VPS13B: variants seen among roughly 807,000 people sequenced by gnomAD.
VPS13B encodes intermembrane lipid transfer protein VPS13B.
A neutral mutation model predicts 426.4 loss-of-function variants in VPS13B; 285 were observed. The ratio of observed to expected loss-of-function variants is 0.67; its 90% CI spans 0.61 to 0.74. The LOEUF is 0.74. VPS13B is among the 30% of genes least tolerant of loss of function. VPS13B has a pLI of 0.00. For missense variants in VPS13B, 4,537 were observed against 4,782.6 expected, an observed-to-expected ratio of 0.95 and a Z score of 1.51; for synonymous variants, 1,676 against 1,676.4, an observed-to-expected ratio of 1.00 and a Z score of 0.01.
intron 39 of VPS13B, among the ~76,000 whole-genome samples, chr8:99,724,622 G>C (rs1443354928): frequency 6.6e-6 from 1 of 151,886 alleles, no homozygotes; most frequent in Admixed American, 6.6e-5. Context: ...AGTTGTCGTG[G>C]AGTATTATAT....
intron 3 of VPS13B, among the ~76,000 whole-genome samples, chr8:99,076,034 A>G (rs189822238): frequency 1.4e-3 from 206 of 151,902 alleles, no homozygotes; most frequent in African/African-American, 4.8e-3. Flanking sequence ...CTTTTCTTGT[A>G]TCTCATGAGT....
At chr8:99,641,421 C>T (rs1241989216) in intron 33 of VPS13B, among the ~76,000 whole-genome samples, 3 of 152,036 alleles carry the variant, frequency 2.0e-5, no homozygotes, top group Non-Finnish European at 4.4e-5. Flanking sequence ...ATTTCAACCA[C>T]CAGTAATCAT....
chr8:99,426,775 G>A (rs1478706749), intron 21 of VPS13B, among the ~76,000 whole-genome samples: 1 of 102,408 alleles, frequency 9.8e-6, no homozygotes, highest in African/African-American at 4.8e-5. Context: ...TTTTTTTCTT[G>A]TAAATTTGTT....
At chr8:99,665,514 T>C (rs890957246) in intron 35 of VPS13B, among the ~76,000 whole-genome samples, 9 of 152,220 alleles carry the variant, frequency 5.9e-5, no homozygotes, top group African/African-American at 2.2e-4. Flanking sequence ...AAGGAAGGGA[T>C]TGAGTTTCAG....
intron 17 of VPS13B, chr8:99,209,854 C>T (rs930666272): frequency 1.2e-5 from 7 of 583,236 alleles, no homozygotes; most frequent in Non-Finnish European, 1.5e-5. Context: ...ACTTCAGTTA[C>T]AGAACTTAAA....
Position 99,274,302 on chromosome 8 carries a change from G to A in VPS13B, c.2620G>A (p.Gly874Arg), listed in dbSNP as rs778980711. 6 of 1,614,082 alleles carry A rather than the reference G, an allele frequency of 3.7e-6. No homozygotes were observed. Among genetic ancestry groups the A allele is most frequent in the Middle Eastern group, 1.6e-4 (1 of 6,062 alleles). Reference sequence around the variant, plus strand: ...GGTCAAATGTGCCTCTGGGACCATGGGATCAATAAAAATTTGTGCCAAAGC... The same window carrying A: ...GGTCAAATGTGCCTCTGGGACCATGAGATCAATAAAAATTTGTGCCAAAGC... ...SLVKCASGTM[G>R]SIKICAKAPV... The change falls in exon 18 of 62, where the codon GGA becomes AGA. Residue 874 changes from glycine to arginine, a missense_variant. Around this residue, in one of 2 missense-constraint regions of VPS13B, gnomAD observed 4,311 missense variants for 4,474.3 expected, o/e 0.96. Transcript: ENST00000357162.
chr8:99,778,774 T>A lies in VPS13B; in HGVS notation c.7522T>A (p.Tyr2508Asn). ...MIVSFREPHM[Y>N]LRQWNNGSVC... is the part of the protein sequence containing the mutation. Reference sequence around the variant, plus strand: ...TGTTTCCTTCAGAGAACCACACATGTATCTTCGACAGTGGAATAATGGTTC... The same window carrying A: ...TGTTTCCTTCAGAGAACCACACATGAATCTTCGACAGTGGAATAATGGTTC... Residue 2508 changes from tyrosine to asparagine, a missense_variant, in exon 42 of 62, where the codon TAT (tyrosine) becomes AAT (asparagine). By Grantham distance (143) the Tyr-to-Asn change is moderately radical. Coordinates refer to ENST00000357162, the MANE Select transcript of VPS13B (RefSeq NM_152564.5). 1 of 1,614,002 alleles carries A rather than the reference T, an allele frequency of 6.2e-7. No homozygotes were observed. The highest frequency in any genetic ancestry group is 8.5e-7 in the Non-Finnish European group (1 of 1,179,916).
intron 19 of VPS13B, among the ~76,000 whole-genome samples, chr8:99,303,690 C>G (rs902132137): frequency 1.9e-4 from 25 of 132,704 alleles, no homozygotes; most frequent in Admixed American, 6.1e-4. Context: ...GATTGCGCCA[C>G]TGCACTCCAG....
rs144790021 is a variant in VPS13B, at chr8:99,261,273, C to T, written c.2516-12925C>T. Among the ~76,000 whole-genome samples the T allele has an allele frequency of 7.4e-3, 1,122 of 152,184 alleles. 7 individuals carry two copies. Among genetic ancestry groups the T allele is most frequent in the Middle Eastern group, 0.014 (4 of 294 alleles). The stretch of plus-strand genomic sequence containing the variant: ...AGCCCTAAAATTTCTCTGTGTTCTA[C>T]CTATTTATCCTATCCCCCACCAGCC... On this transcript the variant is annotated intron_variant, in intron 17 of 61. Coordinates refer to ENST00000357162, the MANE Select transcript of VPS13B (RefSeq NM_152564.5).
At chr8:99,530,029 C>G (rs1188878009) in intron 30 of VPS13B, among the ~76,000 whole-genome samples, 1 of 152,166 alleles carries the variant, frequency 6.6e-6, no homozygotes, top group Non-Finnish European at 1.5e-5. Context: ...TTTCAACTTT[C>G]TTGAAATAAC....
chr8:99,357,397 T>C (rs1812237063), intron 19 of VPS13B, among the ~76,000 whole-genome samples: 1 of 152,230 alleles, frequency 6.6e-6, no homozygotes, highest in Non-Finnish European at 1.5e-5. Context: ...ACTTTTTCTA[T>C]TTTATTTTGT....
intron 19 of VPS13B, among the ~76,000 whole-genome samples, chr8:99,353,334 TAAAAG>T (rs1013409616): frequency 3.9e-5 from 6 of 152,068 alleles, no homozygotes; most frequent in African/African-American, 7.2e-5. Flanking sequence ...AAAAAACTGA[TAAAAG>T]AAAAGCAGAT....
intron 33 of VPS13B, among the ~76,000 whole-genome samples, chr8:99,598,482 A>G (rs887082251): frequency 6.6e-6 from 1 of 152,060 alleles, no homozygotes; most frequent in Non-Finnish European, 1.5e-5. Context: ...CTGAATAGCA[A>G]GTAATCATCT....
intron 21 of VPS13B, among the ~76,000 whole-genome samples, chr8:99,396,097 G>A (rs545596767): frequency 5.3e-5 from 8 of 152,092 alleles, no homozygotes; most frequent in Admixed American, 1.3e-4. Flanking sequence ...TTATCGAACC[G>A]TGGGATGATA....
chr8:99,684,645 C>T (rs1831305439), intron 35 of VPS13B, among the ~76,000 whole-genome samples: 1 of 152,146 alleles, frequency 6.6e-6, no homozygotes, highest in Admixed American at 6.5e-5. Flanking sequence ...CAAATAGCTG[C>T]TCTGTGTAGG....
At chr8:99,873,443 TG>T (rs1817534989) in intron 61 of VPS13B, 1 of 152,194 alleles carries the variant, frequency 6.6e-6, no homozygotes, top group Non-Finnish European at 1.5e-5. Context: ...TTTCCACTGC[TG>T]TCCAGGGCTG....
chr8:99,067,114 A>G (rs1285875287), intron 3 of VPS13B, among the ~76,000 whole-genome samples: 1 of 152,206 alleles, frequency 6.6e-6, no homozygotes, highest in East Asian at 1.9e-4. Flanking sequence ...AACTGGAAAT[A>G]CCATTTGACC....
intron 33 of VPS13B, among the ~76,000 whole-genome samples, chr8:99,621,549 A>G (rs1025760150): frequency 1.2e-4 from 19 of 152,106 alleles, no homozygotes; most frequent in African/African-American, 4.6e-4. Context: ...TAATTGCTTT[A>G]TCATGCTAAC....
At chr8:99,455,992 T>C (rs1197070551) in intron 23 of VPS13B, among the ~76,000 whole-genome samples, 1 of 152,154 alleles carries the variant, frequency 6.6e-6, no homozygotes, top group Non-Finnish European at 1.5e-5. Flanking sequence ...AATTTTTGGG[T>C]TGAATGGTAA....
Sources: allele counts gnomAD v4.1 joint callset (sites outside exome capture counted in the v4.1 genomes callset), GRCh38; gene constraint gnomAD v4.1.1; regional missense constraint gnomAD v4.1.1; transcripts MANE v1.5; gene names NCBI Gene and HGNC (gene_info 2026-07-23, HGNC 2026-07-21).